CMIP: variants seen among roughly 807,000 people sequenced by gnomAD.
CMIP encodes the protein c-Maf inducing protein, also known as C-Maf-inducing protein.
A neutral mutation model predicts 97.3 loss-of-function variants in CMIP; 13 were observed. That is an observed-to-expected ratio of 0.13 (90% CI 0.09 to 0.21). The LOEUF is 0.21. Among genes scored for constraint, CMIP ranks in the 10% least tolerant of loss-of-function variants. The pLI, the probability that CMIP is intolerant of heterozygous loss-of-function variation, is 1.00. For missense variants in CMIP, 847 were observed against 1,024.9 expected, an observed-to-expected ratio of 0.83 and a Z score of 2.37; for synonymous variants, 538 against 436.3, an observed-to-expected ratio of 1.23 and a Z score of -2.91.
At chr16:81,548,903 T>C (rs2090601636) in intron 1 of CMIP, among the ~76,000 whole-genome samples, 1 of 152,144 alleles carries the variant, frequency 6.6e-6, no homozygotes, top group African/African-American at 2.4e-5. Context: ...ATGCCCCCCG[T>C]TGGGAACCAC....
intron 17 of CMIP, among the ~76,000 whole-genome samples, chr16:81,703,492 C>G (rs1194949521): frequency 2.0e-5 from 3 of 151,924 alleles, no homozygotes; most frequent in African/African-American, 7.3e-5. Context: ...CAGAGACACA[C>G]CAACACACAC....
intron 1 of CMIP, among the ~76,000 whole-genome samples, chr16:81,509,337 A>G (rs1282395153): frequency 1.3e-5 from 2 of 152,192 alleles, no homozygotes; most frequent in East Asian, 1.9e-4. Flanking sequence ...CAGCCTGCAC[A>G]GTTCCCTGCC....
At chr16:81,624,146 A>T (rs1182147825) in intron 3 of CMIP, among the ~76,000 whole-genome samples, 1 of 149,400 alleles carries the variant, frequency 6.7e-6, no homozygotes, top group Non-Finnish European at 1.5e-5. Context: ...AAAAAAAATC[A>T]GTGGAACATC....
chr16:81,469,135 C>G (rs1319408723), intron 1 of CMIP, among the ~76,000 whole-genome samples: 1 of 152,260 alleles, frequency 6.6e-6, no homozygotes, highest in Non-Finnish European at 1.5e-5. Context: ...GAAATGTCCT[C>G]TGTCCCTCAA....
chr16:81,677,906 C>G (rs1425490543), intron 9 of CMIP, among the ~76,000 whole-genome samples: 2 of 152,228 alleles, frequency 1.3e-5, no homozygotes, highest in Non-Finnish European at 2.9e-5. Context: ...ATTGGCTTAT[C>G]AAGAAAGTGG....
In CMIP at chr16:81,654,510, T is replaced by C. The variant is rs373585770; in HGVS notation, c.639+2146T>C. ...AAGTTTCCATGTGCTTTGAAGCTAC[T>C]GTGTCAGGCAAGGAGTCAGCATTAC... On this transcript the variant is annotated intron_variant, in intron 4 of 20. Coordinates refer to ENST00000537098, the MANE Select transcript of CMIP (RefSeq NM_198390.3). Among the ~76,000 whole-genome samples the C allele has an allele frequency of 3.3e-5, 5 of 152,350 alleles. No individual in the cohort carries two copies. The East Asian group carries it at 7.7e-4, about 24-fold the overall frequency.
At chr16:81,664,403 G>T in intron 7 of CMIP, 54 bp downstream of exon 7, 1 of 1,519,492 alleles carries the variant, frequency 6.6e-7, no homozygotes, top group Non-Finnish European at 8.9e-7. Flanking sequence ...ATGAGGCCCC[G>T]CGCGCCTCCC....
At chr16:81,448,186 C>T (rs1385605519) in intron 1 of CMIP, among the ~76,000 whole-genome samples, 1 of 151,678 alleles carries the variant, frequency 6.6e-6, no homozygotes, top group Non-Finnish European at 1.5e-5. Flanking sequence ...AAATATCAGT[C>T]ATCCATATTT....
chr16:81,567,737 C>G (rs559630767), intron 1 of CMIP, among the ~76,000 whole-genome samples: 53 of 152,360 alleles, frequency 3.5e-4, no homozygotes, highest in African/African-American at 1.3e-3. Context: ...CTGCACAGAA[C>G]TGACCACCTT....
chr16:81,475,801 C>T (rs749886445), intron 1 of CMIP, among the ~76,000 whole-genome samples: 4 of 151,914 alleles, frequency 2.6e-5, no homozygotes, highest in Admixed American at 2.0e-4. Context: ...CTGGCTAACA[C>T]GGTGAAATCC....
At chr16:81,595,555 A>C (rs962182520) in intron 1 of CMIP, among the ~76,000 whole-genome samples, 1 of 151,542 alleles carries the variant, frequency 6.6e-6, no homozygotes, top group African/African-American at 2.4e-5. Context: ...TGCCTGGCTT[A>C]TTTTTGTGTT....
At chr16:81,556,778 A>G (rs2090772526) in intron 1 of CMIP, among the ~76,000 whole-genome samples, 1 of 152,254 alleles carries the variant, frequency 6.6e-6, no homozygotes, top group Non-Finnish European at 1.5e-5. Context: ...ACAATTGTAC[A>G]TCACGTGTAC....
intron 1 of CMIP, among the ~76,000 whole-genome samples, chr16:81,583,946 G>C (rs1031764160): frequency 4.6e-5 from 7 of 152,308 alleles, no homozygotes; most frequent in African/African-American, 1.7e-4. Flanking sequence ...AATAAAGATT[G>C]GAAGCCTTTG....
At chr16:81,665,780 C>T (rs1362630156) in intron 7 of CMIP, 3 of 152,252 alleles carry the variant, frequency 2.0e-5, no homozygotes, top group East Asian at 3.8e-4. Context: ...TCCTCTACCC[C>T]TTCCATGCTC....
At chr16:81,641,308 C>T (rs1016184999) in intron 3 of CMIP, among the ~76,000 whole-genome samples, 1 of 152,160 alleles carries the variant, frequency 6.6e-6, no homozygotes, top group Non-Finnish European at 1.5e-5. Context: ...ACACCGAGAG[C>T]ACCTTCCCTG....
At chr16:81,628,795 T>G (rs1457335320) in intron 3 of CMIP, among the ~76,000 whole-genome samples, 1 of 152,146 alleles carries the variant, frequency 6.6e-6, no homozygotes, top group Non-Finnish European at 1.5e-5. Context: ...GCCTGAGGCT[T>G]GCGTGAGAGC....
intron 14 of CMIP, among the ~76,000 whole-genome samples, chr16:81,698,772 C>T (rs976460879): frequency 1.3e-5 from 2 of 152,208 alleles, no homozygotes; most frequent in African/African-American, 4.8e-5. Flanking sequence ...CCCCCTTCCT[C>T]CCGGCCTCAG....
intron 7 of CMIP, chr16:81,667,299 C>A (rs532793497): frequency 6.6e-6 from 1 of 152,188 alleles, no homozygotes; most frequent in Non-Finnish European, 1.5e-5. Context: ...TTAGTATGTT[C>A]CTCTGGAGAT....
chr16:81,549,415 G>A (rs779061787), intron 1 of CMIP, among the ~76,000 whole-genome samples: 4 of 152,180 alleles, frequency 2.6e-5, no homozygotes, highest in Non-Finnish European at 4.4e-5. Context: ...GCCAGCAGCC[G>A]AGGGCCGTTG....
Sources: gnomAD v4.1 joint callset for allele counts (sites outside exome capture counted in the v4.1 genomes callset) on GRCh38, gnomAD v4.1.1 for gene constraint, MANE v1.5 for transcripts, NCBI Gene and HGNC (gene_info 2026-07-23, HGNC 2026-07-21) for gene names.